ZNF280D: variants seen among roughly 807,000 people sequenced by gnomAD.
The protein encoded by ZNF280D is zinc finger protein 280D.
Under a neutral mutation model 94.7 loss-of-function variants are expected in ZNF280D, and 39 were observed. The ratio of observed to expected loss-of-function variants is 0.41; its 90% confidence interval spans 0.32 to 0.54. The LOEUF (loss-of-function observed/expected upper bound fraction) is 0.54. Ranked by LOEUF, ZNF280D falls within the 20% of genes least tolerant of loss-of-function variation. ZNF280D has a pLI of 0.22. For missense variants in ZNF280D, 1,090 were observed against 1,149.3 expected (o/e 0.95, Z 0.75); for synonymous variants, 398 against 377.6 (o/e 1.05, Z -0.63).
chr15:56,655,496 C>T (rs748667772), intron 17 of ZNF280D, among the ~76,000 whole-genome samples: 1 of 152,220 alleles, frequency 6.6e-6, no homozygotes, highest in Admixed American at 6.5e-5. Flanking sequence ...TGAGCCACTG[C>T]GCCCGGCCTG....
At chr15:56,643,675 A>G (rs933952637) in intron 19 of ZNF280D, among the ~76,000 whole-genome samples, 1 of 151,902 alleles carries the variant, frequency 6.6e-6, no homozygotes, top group African/African-American at 2.4e-5. Context: ...TAGCTTATCC[A>G]AAGGATCTTT....
rs748127459 is a variant in ZNF280D at position 56,666,493 on chromosome 15, T to C, written c.1896A>G (p.Glu632=). 3 of 1,602,888 alleles carry C rather than the reference T, an allele frequency of 1.9e-6. No homozygotes were observed. The highest frequency in any genetic ancestry group is 2.5e-6 in the Non-Finnish European group (3 of 1,177,020). The change falls in exon 16 of 22, where the codon GAA becomes GAG. Residue 632 remains glutamate (E), a synonymous_variant. Coordinates refer to ENST00000267807, the MANE Select transcript of ZNF280D (RefSeq NM_017661.4). The stretch of plus-strand genomic sequence containing the variant: ...GAAAGTGGTTTGCAAAATCTTTTAT[T>C]TCGGAACAACACTCAATGCATTTGT... ...GIHKCIECCS[E]IKDFANHFPT... is the part of the protein sequence containing the mutation.
Position 56,729,165 on chromosome 15 carries a change from A to T in ZNF280D, c.-86+4293T>A, listed in dbSNP as rs1596721609. On this transcript the variant is annotated intron_variant, in intron 1 of 21. Coordinates refer to ENST00000267807, the MANE Select transcript of ZNF280D (RefSeq NM_017661.4). ...AATATGATAAGCTTGGACAATGCAG[A>T]TCTACACAGAGATTGGGAAAAGGCA... is the stretch of plus-strand genomic sequence containing the variant. 3.3e-5 allele frequency among the ~76,000 whole-genome samples: 5 copies of T among 152,370 alleles called. No homozygotes were observed. The East Asian group carries it at 9.6e-4, about 29-fold the overall frequency.
In ZNF280D at chr15:56,669,943, TATATATTATATA is replaced by T. The variant is rs2054668318; in HGVS notation, c.1411-998_1411-987del. Among the ~76,000 whole-genome samples, 2 of 5,024 alleles carry T rather than the reference TATATATTATATA, an allele frequency of 4.0e-4. 1 individual carries two copies. Among genetic ancestry groups the T allele is most frequent in the Non-Finnish European group, 6.6e-4 (2 of 3,040 alleles). 3.3% of individuals were successfully genotyped at this position (5,024 alleles called of 152,430 possible). A position where few individuals can be genotyped will look rare whatever the true frequency, so the allele number is the denominator to read the frequency against. Reference sequence around the variant, plus strand: ...ATATATATTATATATATATTATATATATATATTATATATATATATTATATATATATAATATAT... The same window carrying T: ...ATATATATTATATATATATTATATATTATATATTATATATATATAATATAT... On this transcript the variant is annotated intron_variant, in intron 13 of 21. Coordinates refer to ENST00000267807, the MANE Select transcript of ZNF280D (RefSeq NM_017661.4).
intron 16 of ZNF280D, among the ~76,000 whole-genome samples, chr15:56,662,293 TA>T (rs1478532183): frequency 5.9e-5 from 9 of 151,990 alleles, no homozygotes; most frequent in African/African-American, 1.5e-4. Context: ...AAATGCTGCT[TA>T]AAAAAAATTA....
At chr15:56,681,367 C>A (rs972604618) in intron 10 of ZNF280D, among the ~76,000 whole-genome samples, 19 of 152,040 alleles carry the variant, frequency 1.2e-4, no homozygotes, top group African/African-American at 4.6e-4. Context: ...ATGCAGATTA[C>A]CTTGAAATGC....
chr15:56,704,870 C>T (rs192981767), intron 3 of ZNF280D, among the ~76,000 whole-genome samples: 2 of 152,184 alleles, frequency 1.3e-5, no homozygotes, highest in African/African-American at 4.8e-5. Flanking sequence ...GTAATCCCAG[C>T]TCCTTGGGAG....
Position 56,666,977 on chromosome 15 carries a change from G to A in ZNF280D, c.1555C>T (p.Arg519Ter). 2 of 1,584,802 alleles carry A rather than the reference G, an allele frequency of 1.3e-6. No homozygotes were observed. The highest frequency in any genetic ancestry group is 1.7e-6 in the Non-Finnish European group (2 of 1,166,768). Reference sequence around the variant, plus strand: ...GATTGCAGAGGTCCAACTGAAGCTCGAATAGTAACCTACAAAAATAAAGAG... The same window carrying A: ...GATTGCAGAGGTCCAACTGAAGCTCAAATAGTAACCTACAAAAATAAAGAG... The part of the protein sequence containing the change: ...GLPPGTKVTI[R>*]ASVGPLQSGA... Residue 519 changes from arginine (R) to a stop codon, truncating the protein, a stop_gained, in exon 15 of 22, where the codon CGA becomes TGA. Coordinates refer to ENST00000267807, the MANE Select transcript of ZNF280D (RefSeq NM_017661.4). LOFTEE classifies it high-confidence loss of function.
intron 20 of ZNF280D, among the ~76,000 whole-genome samples, chr15:56,640,443 A>T (rs557866380): frequency 5.9e-4 from 89 of 151,974 alleles, no homozygotes; most frequent in African/African-American, 1.3e-3. Flanking sequence ...TATTTAAAAA[A>T]TTTTTTTTCT....
At chr15:56,702,929 ACACAC>A (rs2057171201) in intron 4 of ZNF280D, among the ~76,000 whole-genome samples, 1 of 150,094 alleles carries the variant, frequency 6.7e-6, no homozygotes, top group South Asian at 2.1e-4. Context: ...ACACACACAC[ACACAC>A]ACACACACAC....
At chr15:56,700,532 C>T (rs1310024714) in intron 6 of ZNF280D, 1 of 1,034,232 alleles carries the variant, frequency 9.7e-7, no homozygotes, top group South Asian at 4.3e-5. Flanking sequence ...TTTTAACTAA[C>T]TGAACTATGA....
chr15:56,658,465 G>A lies in ZNF280D; in HGVS notation c.2016C>T (p.Ser672=). 6.3e-7 allele frequency: 1 copy of A among 1,582,342 alleles called. No individual in the cohort carries two copies. The highest frequency in any genetic ancestry group is 2.3e-5 in the East Asian group (1 of 43,174). Residue 672 remains serine, a synonymous_variant, in exon 17 of 22, where the codon AGC becomes AGT. Coordinates refer to ENST00000267807, the MANE Select transcript of ZNF280D (RefSeq NM_017661.4). ...HMMSFHSNRP[S]KRFCIFKKHS... ...GCTTCTTAAAAATACAAAACCTTTT[G>A]CTTGGACGGTTACTATGAAAGCTGG... is the stretch of plus-strand genomic sequence containing the variant.
chr15:56,644,525 T>C (rs2052784646), intron 19 of ZNF280D, among the ~76,000 whole-genome samples: 1 of 152,146 alleles, frequency 6.6e-6, no homozygotes, highest in Non-Finnish European at 1.5e-5. Flanking sequence ...TCATTTTAAA[T>C]TCAGTTTGAA....
intron 1 of ZNF280D, among the ~76,000 whole-genome samples, chr15:56,715,778 A>G (rs2058011824): frequency 1.3e-5 from 2 of 152,164 alleles, no homozygotes; most frequent in Non-Finnish European, 1.5e-5. Flanking sequence ...GTACCAGAAG[A>G]TCTACATGAC....
At chr15:56,714,411 T>C (rs2057930007) in intron 1 of ZNF280D, among the ~76,000 whole-genome samples, 1 of 152,188 alleles carries the variant, frequency 6.6e-6, no homozygotes, top group African/African-American at 2.4e-5. Context: ...AAAAAGGGAA[T>C]ATATGGATAC....
At chr15:56,707,013 T>G (rs1481357660) in intron 3 of ZNF280D, 69 bp downstream of exon 3, 3 of 1,478,808 alleles carry the variant, frequency 2.0e-6, no homozygotes, top group Non-Finnish European at 2.8e-6. Flanking sequence ...CCAACTTTCA[T>G]CCTTTCTCCT....
chr15:56,637,859 T>C (rs1489952326), intron 20 of ZNF280D, among the ~76,000 whole-genome samples: 1 of 152,166 alleles, frequency 6.6e-6, no homozygotes, highest in Non-Finnish European at 1.5e-5. Context: ...AAAAACTTTA[T>C]TAAATCTCAA....
At chr15:56,702,105 TTAAG>T (rs1456249426) in intron 4 of ZNF280D, among the ~76,000 whole-genome samples, 2 of 150,466 alleles carry the variant, frequency 1.3e-5, no homozygotes, top group East Asian at 3.9e-4. Flanking sequence ...CCAGATCCCA[TTAAG>T]TAATTCTATA....
At chr15:56,670,009 A>AATAT (rs1555407792) in intron 13 of ZNF280D, among the ~76,000 whole-genome samples, 86 of 2,978 alleles carry the variant, frequency 0.029, 21 homozygotes, top group African/African-American at 0.15. Context: ...ATATATATAT[A>AATAT]ATATATATAT....
Sources: allele counts gnomAD v4.1 joint callset (sites outside exome capture counted in the v4.1 genomes callset), GRCh38; gene constraint gnomAD v4.1.1; transcripts MANE v1.5; gene names NCBI Gene and HGNC (gene_info 2026-07-23, HGNC 2026-07-21).